RAB7A: variants seen among roughly 807,000 people sequenced by gnomAD.
RAB7A encodes ras-related protein Rab-7a.
In RAB7A, 2 loss-of-function variants were observed where a neutral mutation model predicts 24.5. That is an observed-to-expected ratio of 0.08 (90% CI 0.03 to 0.26). RAB7A has a LOEUF of 0.26. Among genes scored for constraint, RAB7A ranks in the 10% least tolerant of loss-of-function variants. The pLI, the probability that RAB7A is intolerant of heterozygous loss-of-function variation, is 1.00. For synonymous variants in RAB7A, 100 were observed against 95.9 expected, an observed-to-expected ratio of 1.04 and a Z score of -0.25; for missense variants, 118 against 255.7, an observed-to-expected ratio of 0.46 and a Z score of 3.67.
chr3:128,746,543 T>G (rs1209824648), intron 1 of RAB7A, among the ~76,000 whole-genome samples: 1 of 152,070 alleles, frequency 6.6e-6, no homozygotes, highest in African/African-American at 2.4e-5. Flanking sequence ...TTATTTTGTT[T>G]TTGGAGATGG....
chr3:128,730,597 A>T (rs1466092298), intron 1 of RAB7A, among the ~76,000 whole-genome samples: 3 of 152,214 alleles, frequency 2.0e-5, no homozygotes, highest in Admixed American at 6.5e-5. Context: ...GGTAAAAGTG[A>T]TGTGGCGAGT....
At chr3:128,754,378 A>G (rs1213508683) in intron 1 of RAB7A, among the ~76,000 whole-genome samples, 1 of 152,164 alleles carries the variant, frequency 6.6e-6, no homozygotes, top group Non-Finnish European at 1.5e-5. Context: ...GGTGTTAAAT[A>G]TCAGCCCCAT....
Position 128,813,349 on chromosome 3 carries a change from A to G in RAB7A, c.551A>G (p.Asn184Ser), listed in dbSNP as rs752824265. The G allele has an allele frequency of 2.2e-5, 35 of 1,614,076 alleles. No homozygotes were observed. The highest frequency in any genetic ancestry group is 2.6e-5 in the Non-Finnish European group (31 of 1,180,028). ...CAGGAAACGGAGGTGGAGCTGTACA[A>G]CGAATTTCCTGAACCTATCAAACTG... ...LKQETEVELY[N>S]EFPEPIKLDK... is the part of the protein sequence containing the mutation. Residue 184 changes from asparagine (N) to serine (S), a missense_variant, in exon 6 of 6, where the codon AAC becomes AGC. Asn to Ser is a conservative substitution (Grantham distance 46, BLOSUM62 1). This residue lies in a region of RAB7A where 66 missense variants were observed against 82.2 expected (regional missense o/e 0.80). Coordinates refer to ENST00000265062, the MANE Select transcript of RAB7A (RefSeq NM_004637.6).
intron 2 of RAB7A, 50 bp downstream of exon 2, chr3:128,795,470 C>G: frequency 1.3e-6 from 2 of 1,499,954 alleles, no homozygotes; most frequent in South Asian, 2.3e-5. Context: ...AGCTAAGCCT[C>G]TCTGCTGTGG....
intron 1 of RAB7A, among the ~76,000 whole-genome samples, chr3:128,781,827 A>G (rs969404039): frequency 2.2e-4 from 33 of 152,100 alleles, no homozygotes; most frequent in African/African-American, 8.0e-4. Flanking sequence ...AACCTGGGCA[A>G]CATGGTGAAA....
At chr3:128,729,338 AG>A (rs2070410661) in intron 1 of RAB7A, among the ~76,000 whole-genome samples, 1 of 152,162 alleles carries the variant, frequency 6.6e-6, no homozygotes, top group South Asian at 2.1e-4. Context: ...TGGGAGGCCG[AG>A]GCAGGTGGAT....
intron 1 of RAB7A, among the ~76,000 whole-genome samples, chr3:128,762,177 A>T (rs1344996284): frequency 1.3e-5 from 2 of 152,212 alleles, no homozygotes; most frequent in Non-Finnish European, 2.9e-5. Flanking sequence ...GAAAACCCGG[A>T]GGGGAAATTG....
chr3:128,796,055 T>C (rs1238159427), intron 2 of RAB7A, among the ~76,000 whole-genome samples: 1 of 152,102 alleles, frequency 6.6e-6, no homozygotes, highest in Non-Finnish European at 1.5e-5. Context: ...CCGACCCAGA[T>C]GTGCGTTCTT....
At chr3:128,726,903 C>G (rs868041581) in intron 1 of RAB7A, among the ~76,000 whole-genome samples, 1 of 152,190 alleles carries the variant, frequency 6.6e-6, no homozygotes, top group African/African-American at 2.4e-5. Flanking sequence ...GGGCTCGCCT[C>G]GACACTTGTG....
At chr3:128,800,311 AG>A (rs2107613196) in intron 3 of RAB7A, among the ~76,000 whole-genome samples, 1 of 152,380 alleles carries the variant, frequency 6.6e-6, no homozygotes, top group East Asian at 1.9e-4. Context: ...CATGTGTCAC[AG>A]CAAGACTCAG....
At chr3:128,741,538 T>C (rs2070554251) in intron 1 of RAB7A, among the ~76,000 whole-genome samples, 1 of 152,190 alleles carries the variant, frequency 6.6e-6, no homozygotes, top group Non-Finnish European at 1.5e-5. Context: ...TTTTTTTATT[T>C]TTATTTTAAA....
intron 1 of RAB7A, among the ~76,000 whole-genome samples, chr3:128,735,780 T>TGATATCA (rs2070484959): frequency 6.6e-6 from 1 of 152,178 alleles, no homozygotes; most frequent in Non-Finnish European, 1.5e-5. Flanking sequence ...AATCTAGGGT[T>TGATATCA]GATATCAAAC....
At chr3:128,776,926 C>T (rs992666103) in intron 1 of RAB7A, among the ~76,000 whole-genome samples, 1 of 143,234 alleles carries the variant, frequency 7.0e-6, no homozygotes, top group Non-Finnish European at 1.5e-5. Flanking sequence ...GTTTGCATTT[C>T]CCTGATGATT....
chr3:128,731,162 A>G (rs981511892), intron 1 of RAB7A, among the ~76,000 whole-genome samples: 7 of 152,232 alleles, frequency 4.6e-5, no homozygotes, highest in African/African-American at 1.7e-4. Flanking sequence ...ATTGATTTCC[A>G]ATATTGGTAT....
chr3:128,801,888 A>C (rs993518474), intron 3 of RAB7A, among the ~76,000 whole-genome samples: 3 of 152,238 alleles, frequency 2.0e-5, no homozygotes, highest in African/African-American at 7.2e-5. Context: ...AAAAGACTTA[A>C]AAATAGACTG....
intron 1 of RAB7A, among the ~76,000 whole-genome samples, chr3:128,758,477 G>A (rs1472544425): frequency 3.3e-5 from 5 of 151,722 alleles, no homozygotes; most frequent in East Asian, 1.9e-4. Flanking sequence ...GGGTTTCATC[G>A]TGTTAGCCAG....
intron 2 of RAB7A, among the ~76,000 whole-genome samples, chr3:128,796,360 G>A (rs1237101486): frequency 1.3e-5 from 2 of 152,102 alleles, no homozygotes; most frequent in African/African-American, 4.8e-5. Flanking sequence ...GCCGAGGCGA[G>A]AGGATGGCTT....
In RAB7A at chr3:128,814,285, C is replaced by G. The variant is rs59753334; in HGVS notation, c.*863C>G. On this transcript the variant is annotated 3_prime_UTR_variant, in exon 6 of 6. Coordinates refer to ENST00000265062, the MANE Select transcript of RAB7A (RefSeq NM_004637.6). ...AAGAGCCAAAAAGCTTTTCATCTCTCCAGGGGGAAAACTGTCTAGTTCCCT... is the reference window on the plus strand; with the variant it reads ...AAGAGCCAAAAAGCTTTTCATCTCTGCAGGGGGAAAACTGTCTAGTTCCCT... The G allele has an allele frequency of 0.061, 9,387 of 152,936 alleles. 380 individuals are homozygous for G. Among genetic ancestry groups the G allele is most frequent in the Middle Eastern group, 0.15 (45 of 294 alleles). 9.5% of individuals were successfully genotyped at this position (152,936 alleles called of 1,614,324 possible). A position where few individuals can be genotyped will look rare whatever the true frequency, so the allele number is the denominator to read the frequency against.
chr3:128,813,862 T>G lies in RAB7A; in HGVS notation c.*440T>G. On this transcript the variant is annotated 3_prime_UTR_variant, in exon 6 of 6. Transcript: ENST00000265062. ...TCTTGTGGTCTTTTTACCCCCCCTTTCCCCTCCCTCCTTGAAGGCTACCCC... is the reference window on the plus strand; with the variant it reads ...TCTTGTGGTCTTTTTACCCCCCCTTGCCCCTCCCTCCTTGAAGGCTACCCC... 2 of 255,608 alleles carry G rather than the reference T, an allele frequency of 7.8e-6. No homozygotes were observed. The highest frequency in any genetic ancestry group is 1.6e-5 in the Non-Finnish European group (2 of 127,298). The allele number at this position is 255,608 out of a possible 1,614,324, so 15.8% of individuals were successfully genotyped here. A position where few individuals can be genotyped will look rare whatever the true frequency, so the allele number is the denominator to read the frequency against.
Sources: allele counts gnomAD v4.1 joint callset (sites outside exome capture counted in the v4.1 genomes callset), GRCh38; gene constraint gnomAD v4.1.1; regional missense constraint gnomAD v4.1.1; transcripts MANE v1.5; gene names NCBI Gene and HGNC (gene_info 2026-07-23, HGNC 2026-07-21).